The following RALY variants were observed in gnomAD, a reference collection of about 807,000 sequenced individuals.
RALY encodes RALY heterogeneous nuclear ribonucleoprotein, also known as RNA-binding protein Raly.
In RALY, 15 loss-of-function variants were observed where a neutral mutation model predicts 30.7. That is an observed-to-expected ratio of 0.49 (90% confidence interval 0.33 to 0.75). RALY has a LOEUF of 0.75. Among genes scored for constraint, RALY ranks in the 30% least tolerant of loss-of-function variants. RALY has a pLI of 0.02. For missense variants in RALY, 339 were observed against 414.3 expected (o/e 0.82, Z 1.58); for synonymous variants, 177 against 170.8 (o/e 1.04, Z -0.28).
At chr20:34,012,242 C>T (rs1301221693) in intron 1 of RALY, among the ~76,000 whole-genome samples, 1 of 152,040 alleles carries the variant, frequency 6.6e-6, no homozygotes, top group Non-Finnish European at 1.5e-5. Flanking sequence ...TTGGTGCAGC[C>T]CTATCATCAT....
intron 1 of RALY, among the ~76,000 whole-genome samples, chr20:34,020,046 G>A (rs1220485372): frequency 6.6e-6 from 1 of 152,084 alleles, no homozygotes; most frequent in Non-Finnish European, 1.5e-5. Context: ...GGGCAACAGA[G>A]CAAGACTCTG....
intron 2 of RALY, among the ~76,000 whole-genome samples, chr20:34,042,902 A>G (rs866094236): frequency 1.2e-4 from 18 of 152,228 alleles, no homozygotes; most frequent in Non-Finnish European, 2.1e-4. Flanking sequence ...ATAGTAAACA[A>G]TGTGTCTAAC....
chr20:34,073,965 A>G, intron 5 of RALY, 99 bp downstream of exon 5: 2 of 1,379,414 alleles, frequency 1.4e-6, no homozygotes, highest in Admixed American at 1.9e-5. Flanking sequence ...AATGAGAACC[A>G]AAACCCAGAG....
At chr20:34,072,391 G>T in intron 3 of RALY, 61 bp downstream of exon 3, 3 of 1,537,740 alleles carry the variant, frequency 2.0e-6, no homozygotes, top group Non-Finnish European at 2.6e-6. Context: ...TCACTATCCA[G>T]TTCTCAACCC....
Position 34,082,139 on chromosome 20 carries a change from C to CT in RALY, c.*2235dup, listed in dbSNP as rs1172567593. On this transcript the variant is annotated 3_prime_UTR_variant, in exon 10 of 10. Transcript: ENST00000246194. ...GAGTGCCTCATCTCCCTGAAGAGCT[C>CT]TCAGTGGAACATACTTCACCCATCC... is the stretch of plus-strand genomic sequence containing the variant. The CT allele has an allele frequency of 1.3e-5, 2 of 152,346 alleles. No homozygotes were observed. The highest frequency in any genetic ancestry group is 2.9e-5 in the Non-Finnish European group (2 of 68,130). 9.4% of individuals were successfully genotyped at this position (152,346 alleles called of 1,614,324 possible).
intron 1 of RALY, among the ~76,000 whole-genome samples, chr20:34,031,076 A>C (rs1178549367): frequency 1.9e-5 from 2 of 103,630 alleles, no homozygotes; most frequent in African/African-American, 3.9e-5. Flanking sequence ...ATGGATTCTC[A>C]CTCTTGTCAC....
chr20:34,001,010 G>T (rs773166354), intron 1 of RALY, among the ~76,000 whole-genome samples: 1 of 152,196 alleles, frequency 6.6e-6, no homozygotes, highest in East Asian at 1.9e-4. Context: ...CTTTGCTAAA[G>T]TATTGAGAGT....
At chr20:33,995,612 C>T (rs1270278446) in intron 1 of RALY, among the ~76,000 whole-genome samples, 1 of 152,126 alleles carries the variant, frequency 6.6e-6, no homozygotes, top group African/African-American at 2.4e-5. Context: ...TCTTGATGTT[C>T]ACATTAGTTC....
chr20:34,018,110 G>A (rs752877860), intron 1 of RALY, among the ~76,000 whole-genome samples: 7 of 152,224 alleles, frequency 4.6e-5, no homozygotes, highest in Non-Finnish European at 1.0e-4. Flanking sequence ...GGAATTACTG[G>A]TAAAGGGGTG....
chr20:34,030,362 A>G lies in RALY; in HGVS notation c.-92-1160A>G, dbSNP rs190600809. ...AAAGATTAAATGAGTTAATACAAATAAAAGGTTTACATCAGTGCCTGGTAT... is the reference window on the plus strand; with the variant it reads ...AAAGATTAAATGAGTTAATACAAATGAAAGGTTTACATCAGTGCCTGGTAT... On this transcript the variant is annotated intron_variant, in intron 1 of 9. Transcript: ENST00000246194. Among the ~76,000 whole-genome samples the G allele has an allele frequency of 1.7e-4, 26 of 152,340 alleles. No individual in the cohort carries two copies. The East Asian group carries it at 5.0e-3, about 29-fold the overall frequency.
rs537209561 is a variant in RALY at position 34,063,282 on chromosome 20, G to T, written c.-9-8784G>T. On this transcript the variant is annotated intron_variant, in intron 2 of 9. Transcript: ENST00000246194. ...CTGGAGTACCTTTTGTGGTCACATG[G>T]TTTAAAACCTAGGTCATATGGCATG... Among the ~76,000 whole-genome samples, 6 of 152,248 alleles carry T rather than the reference G, an allele frequency of 3.9e-5. No homozygotes were observed. In the East Asian group the frequency reaches 9.7e-4, roughly 24 times the overall value.
intron 1 of RALY, among the ~76,000 whole-genome samples, chr20:34,025,007 G>A (rs2031965943): frequency 6.6e-6 from 1 of 152,208 alleles, no homozygotes; most frequent in Non-Finnish European, 1.5e-5. Context: ...CAAATAGATT[G>A]GCAAGTTGGC....
intron 2 of RALY, among the ~76,000 whole-genome samples, chr20:34,047,838 G>A (rs1347711522): frequency 6.6e-6 from 1 of 152,132 alleles, no homozygotes; most frequent in Non-Finnish European, 1.5e-5. Flanking sequence ...CTCTTTGAAG[G>A]CCAGTATCCC....
intron 2 of RALY, among the ~76,000 whole-genome samples, chr20:34,071,288 T>C (rs1026406188): frequency 1.3e-5 from 2 of 151,914 alleles, no homozygotes; most frequent in African/African-American, 4.8e-5. Context: ...CAGTTTTCTT[T>C]TCTTTTCTTT....
chr20:34,058,342 C>A (rs1048919453), intron 2 of RALY, among the ~76,000 whole-genome samples: 1 of 151,994 alleles, frequency 6.6e-6, no homozygotes, highest in African/African-American at 2.4e-5. Flanking sequence ...TACCGTATTA[C>A]ATGCTAATGA....
chr20:34,045,535 G>A (rs1412339185), intron 2 of RALY, among the ~76,000 whole-genome samples: 1 of 152,220 alleles, frequency 6.6e-6, no homozygotes, highest in Admixed American at 6.5e-5. Flanking sequence ...GGCTGATGAG[G>A]AAATGAAGTT....
chr20:34,045,905 G>A (rs755665426), intron 2 of RALY, among the ~76,000 whole-genome samples: 1 of 152,124 alleles, frequency 6.6e-6, no homozygotes, highest in Admixed American at 6.5e-5. Context: ...TTCTCTTGCC[G>A]TCTGGTGTCT....
intron 2 of RALY, among the ~76,000 whole-genome samples, chr20:34,059,256 T>C (rs1010920129): frequency 5.3e-5 from 8 of 152,184 alleles, no homozygotes; most frequent in Non-Finnish European, 1.0e-4. Context: ...ATTGTTGTAA[T>C]GAGGAAAATA....
chr20:34,076,942 T>G, intron 7 of RALY, 86 bp from the exon 8 acceptor site: 5 of 1,604,336 alleles, frequency 3.1e-6, no homozygotes, highest in Non-Finnish European at 3.4e-6. Context: ...CTCACCATGC[T>G]GAGGCCAGCT....
Sources: allele counts gnomAD v4.1 joint callset (sites outside exome capture counted in the v4.1 genomes callset), GRCh38; gene constraint gnomAD v4.1.1; transcripts MANE v1.5; gene names NCBI Gene and HGNC (gene_info 2026-07-23, HGNC 2026-07-21).